COL19A1: variants seen among roughly 807,000 people sequenced by gnomAD.
COL19A1 encodes collagen alpha-1(XIX) chain.
Under a neutral mutation model 190.2 loss-of-function variants are expected in COL19A1, and 159 were observed. The ratio of observed to expected loss-of-function variants is 0.84; its 90% CI spans 0.73 to 0.95. The LOEUF is 0.95. Ranked by LOEUF, COL19A1 falls within the 40% of genes least tolerant of loss-of-function variation. The probability of loss-of-function intolerance (pLI) is 0.00; values close to 1 mark genes in which losing one functional copy is unlikely to be tolerated. For missense variants in COL19A1, 1,418 were observed against 1,431.9 expected (o/e 0.99, Z 0.16); for synonymous variants, 509 against 458.9 (o/e 1.11, Z -1.39).
chr6:69,901,589 A>G (rs184269485), intron 4 of COL19A1, among the ~76,000 whole-genome samples: 462 of 152,390 alleles, frequency 3.0e-3, no homozygotes, highest in Middle Eastern at 6.8e-3. Context: ...ATAAGTAGGC[A>G]TTAAATTCTC....
intron 14 of COL19A1, among the ~76,000 whole-genome samples, chr6:70,066,685 T>C (rs908000864): frequency 1.3e-5 from 2 of 151,974 alleles, no homozygotes; most frequent in African/African-American, 2.4e-5. Flanking sequence ...TGGATCATGA[T>C]AAGTACATCT....
chr6:69,984,349 T>C (rs1379874736), intron 11 of COL19A1, among the ~76,000 whole-genome samples: 1 of 152,146 alleles, frequency 6.6e-6, no homozygotes, highest in Admixed American at 6.5e-5. Flanking sequence ...GTATTGTTAA[T>C]ATGCTTATCT....
intron 4 of COL19A1, among the ~76,000 whole-genome samples, chr6:69,917,269 A>G (rs938100451): frequency 3.9e-5 from 6 of 152,172 alleles, no homozygotes; most frequent in Non-Finnish European, 8.8e-5. Context: ...ATCACATAGG[A>G]TTTGACTTTT....
intron 31 of COL19A1, among the ~76,000 whole-genome samples, chr6:70,152,574 C>T (rs889100386): frequency 1.3e-5 from 2 of 151,972 alleles, no homozygotes; most frequent in Admixed American, 6.6e-5. Flanking sequence ...AATTACATGC[C>T]ACTCAATATG....
At chr6:69,891,203 CAA>C (rs776456756) in intron 2 of COL19A1, 26 of 105,168 alleles carry the variant, frequency 2.5e-4, no homozygotes, top group Middle Eastern at 0.011. Flanking sequence ...ACCCAGCTAG[CAA>C]AAAAAAAAAA....
At chr6:69,983,808 T>A (rs988298743) in intron 11 of COL19A1, among the ~76,000 whole-genome samples, 1 of 152,098 alleles carries the variant, frequency 6.6e-6, no homozygotes, top group Non-Finnish European at 1.5e-5. Context: ...ATAAAATTCA[T>A]TTGTTAAGAA....
chr6:69,920,483 T>A (rs1214714125), intron 4 of COL19A1, among the ~76,000 whole-genome samples: 2 of 152,150 alleles, frequency 1.3e-5, no homozygotes, highest in East Asian at 3.8e-4. Context: ...TCAGAGATAC[T>A]CCAGATTACA....
At chr6:70,043,536 C>T (rs1485617225) in intron 14 of COL19A1, among the ~76,000 whole-genome samples, 1 of 152,184 alleles carries the variant, frequency 6.6e-6, no homozygotes, top group Non-Finnish European at 1.5e-5. Flanking sequence ...GTCAAAATTA[C>T]TCCTTCACCC....
intron 14 of COL19A1, among the ~76,000 whole-genome samples, chr6:70,066,786 G>T (rs1025941017): frequency 2.0e-5 from 3 of 151,876 alleles, no homozygotes; most frequent in South Asian, 2.1e-4. Context: ...GATAACAAAA[G>T]AATTTCTTCT....
intron 15 of COL19A1, among the ~76,000 whole-genome samples, chr6:70,089,297 T>C (rs1251311048): frequency 6.6e-6 from 1 of 152,170 alleles, no homozygotes; most frequent in Admixed American, 6.6e-5. Flanking sequence ...AAGGGCTTTT[T>C]TTCTTTCATT....
chr6:70,034,356 G>T (rs539488488), intron 13 of COL19A1, 58 bp downstream of exon 13: 45 of 1,290,702 alleles, frequency 3.5e-5, no homozygotes, highest in Middle Eastern at 1.8e-4. Flanking sequence ...GACAACCTAT[G>T]CAGTGACTTC....
rs1583019174 is a variant in COL19A1, at chr6:70,144,958, G to A, written c.1721G>A (p.Gly574Asp). 2 of 1,594,070 alleles carry A rather than the reference G, an allele frequency of 1.3e-6. No individual in the cohort carries two copies. Among genetic ancestry groups the A allele is most frequent in the Non-Finnish European group, 1.7e-6 (2 of 1,168,714 alleles). Residue 574 changes from glycine to aspartate, a missense_variant, in exon 25 of 51, where the codon GGT (glycine) becomes GAT (aspartate). By Grantham distance (94) the Gly-to-Asp change is moderately conservative. Coordinates refer to ENST00000620364, the MANE Select transcript of COL19A1 (RefSeq NM_001858.6). ...GGIIGPPGLPGPKGEAGPPGK... is the reference protein window; with the variant it reads ...GGIIGPPGLPDPKGEAGPPGK... ...ATCATAGGCCCTCCCGGGCTTCCAG[G>A]TCCAAAAGGTGAGGCTGGTCCTCCA...
intron 11 of COL19A1, among the ~76,000 whole-genome samples, chr6:69,993,423 TA>T (rs1776731502): frequency 6.6e-6 from 1 of 152,134 alleles, no homozygotes; most frequent in Non-Finnish European, 1.5e-5. Context: ...ATTTTCTTTT[TA>T]AATTGTATCT....
intron 1 of COL19A1, among the ~76,000 whole-genome samples, chr6:69,876,909 G>A (rs1582254433): frequency 6.6e-6 from 1 of 152,174 alleles, no homozygotes; most frequent in East Asian, 1.9e-4. Context: ...AAAACCAGCT[G>A]TTTGATATTT....
intron 16 of COL19A1, among the ~76,000 whole-genome samples, chr6:70,107,703 C>T (rs1307857400): frequency 6.6e-6 from 1 of 152,150 alleles, no homozygotes; most frequent in Admixed American, 6.5e-5. Context: ...GATCACTTTG[C>T]ATATGTCACA....
chr6:69,916,123 A>C (rs1366282778), intron 4 of COL19A1, among the ~76,000 whole-genome samples: 1 of 152,054 alleles, frequency 6.6e-6, no homozygotes, highest in African/African-American at 2.4e-5. Context: ...TTATTAGTAG[A>C]GATGGGGTTT....
intron 15 of COL19A1, 63 bp downstream of exon 15, chr6:70,068,539 T>G (rs1781381177): frequency 9.2e-7 from 1 of 1,092,514 alleles, no homozygotes; most frequent in Non-Finnish European, 1.4e-6. Flanking sequence ...TTGGGAACAC[T>G]AATGAAAATG....
At chr6:70,100,567 GTCTCCC>G (rs1783569092) in intron 15 of COL19A1, among the ~76,000 whole-genome samples, 13 of 119,190 alleles carry the variant, frequency 1.1e-4, no homozygotes, top group Admixed American at 3.1e-4. Context: ...CAGAGTCTCT[GTCTCCC>G]AGGCTGGAGT....
At chr6:70,084,233 A>G (rs760014029) in intron 15 of COL19A1, among the ~76,000 whole-genome samples, 1 of 152,188 alleles carries the variant, frequency 6.6e-6, no homozygotes, top group Non-Finnish European at 1.5e-5. Context: ...GTTGGTGAAG[A>G]TAACTAACTT....
Sources: gnomAD v4.1 joint callset for allele counts (sites outside exome capture counted in the v4.1 genomes callset) on GRCh38, gnomAD v4.1.1 for gene constraint, MANE v1.5 for transcripts, NCBI Gene and HGNC (gene_info 2026-07-23, HGNC 2026-07-21) for gene names.